Variants in AOPEP observed in about 807,000 individuals in gnomAD.
The protein encoded by AOPEP is aminopeptidase O.
Under a neutral mutation model 98.1 loss-of-function variants are expected in AOPEP, and 77 were observed. The ratio of observed to expected loss-of-function variants is 0.78; its 90% CI spans 0.65 to 0.95. The LOEUF is 0.95. Ranked by LOEUF, AOPEP falls within the 40% of genes least tolerant of loss-of-function variation. The probability of loss-of-function intolerance (pLI) is 0.00; values close to 1 mark genes in which losing one functional copy is unlikely to be tolerated. For synonymous variants in AOPEP, 346 were observed against 365.3 expected, an observed-to-expected ratio of 0.95 and a Z score of 0.60; for missense variants, 1,024 against 1,024.7, an observed-to-expected ratio of 1.00 and a Z score of 0.01.
intron 1 of AOPEP, among the ~76,000 whole-genome samples, chr9:94,741,380 C>T (rs967642657): frequency 1.4e-4 from 22 of 152,040 alleles, no homozygotes; most frequent in African/African-American, 5.3e-4. Context: ...TCACGCCATT[C>T]TTCTGCTTCA....
At chr9:94,977,285 CATTTGGTGGA>C (rs1264508893) in intron 10 of AOPEP, among the ~76,000 whole-genome samples, 33 of 152,160 alleles carry the variant, frequency 2.2e-4, no homozygotes, top group African/African-American at 6.7e-4. Flanking sequence ...GAGGATAGTT[CATTTGGTGGA>C]GGGGTCAGGT....
At chr9:94,933,329 G>T in intron 7 of AOPEP, 1 of 985,490 alleles carries the variant, frequency 1.0e-6, no homozygotes, top group African/African-American at 1.7e-5. Flanking sequence ...CCCAGGGATG[G>T]AAGAGCTAAG....
At chr9:94,745,594 C>T (rs921023059) in intron 1 of AOPEP, among the ~76,000 whole-genome samples, 2 of 152,108 alleles carry the variant, frequency 1.3e-5, no homozygotes, top group African/African-American at 4.8e-5. Context: ...ATTTTTAGCT[C>T]CCACAGATGA....
At chr9:94,813,829 T>C (rs1046167621) in intron 5 of AOPEP, among the ~76,000 whole-genome samples, 3 of 152,216 alleles carry the variant, frequency 2.0e-5, no homozygotes, top group Non-Finnish European at 4.4e-5. Context: ...ACATTTCATA[T>C]TCTGCTCCCC....
intron 5 of AOPEP, among the ~76,000 whole-genome samples, chr9:94,923,413 G>C (rs2053882551): frequency 6.6e-6 from 1 of 152,096 alleles, no homozygotes; most frequent in Non-Finnish European, 1.5e-5. Context: ...GGCCTTACAC[G>C]GTCTCGGCCT....
At chr9:94,731,615 A>G (rs1830557666) in intron 1 of AOPEP, among the ~76,000 whole-genome samples, 1 of 151,884 alleles carries the variant, frequency 6.6e-6, no homozygotes, top group Non-Finnish European at 1.5e-5. Flanking sequence ...TAGGCCTCCA[A>G]AAAGCCCTGG....
chr9:95,090,093 A>C (rs1007421961), downstream of AOPEP, among the ~76,000 whole-genome samples: 3 of 152,202 alleles, frequency 2.0e-5, no homozygotes, highest in Non-Finnish European at 4.4e-5. Context: ...GCTAAACGGC[A>C]CTGAAGGGCC....
At chr9:95,016,301 G>A (rs2133062555) in intron 13 of AOPEP, among the ~76,000 whole-genome samples, 1 of 138,452 alleles carries the variant, frequency 7.2e-6, no homozygotes, top group South Asian at 2.3e-4. Flanking sequence ...GGAGTGCAGT[G>A]GCGCGATCTT....
the AOPEP span, chr9:95,110,563 T>G: frequency 7.7e-6 from 8 of 1,033,076 alleles, no homozygotes; most frequent in Non-Finnish European, 9.3e-6. Flanking sequence ...ATCACCAAAT[T>G]TCAACTTTTT....
rs1247861938 is a variant in AOPEP, at chr9:94,726,756, C to T, written c.-136+5C>T. 6.6e-6 allele frequency: 1 copy of T among 152,304 alleles called. No individual in the cohort carries two copies. Among genetic ancestry groups the T allele is most frequent in the African/African-American group, 2.4e-5 (1 of 41,476 alleles). The allele number at this position is 152,304 out of a possible 1,614,324, so 9.4% of individuals were successfully genotyped here. A position where few individuals can be genotyped will look rare whatever the true frequency, so the allele number is the denominator to read the frequency against. ...CGTGGGACGCGGCTGAGACAGGTAA[C>T]CTGTTCGCTCCCTGTTGGGTCCCTG... On this transcript the variant is annotated splice_donor_5th_base_variant and intron_variant, in intron 1 of 16. Coordinates refer to ENST00000375315, the MANE Select transcript of AOPEP (RefSeq NM_001193329.3).
chr9:94,872,208 A>G (rs2046422297), intron 5 of AOPEP, among the ~76,000 whole-genome samples: 1 of 152,098 alleles, frequency 6.6e-6, no homozygotes, highest in Admixed American at 6.5e-5. Flanking sequence ...TTTAAAATGG[A>G]TCGATGGCAG....
intron 14 of AOPEP, among the ~76,000 whole-genome samples, chr9:95,061,725 C>T (rs1422436718): frequency 6.6e-6 from 1 of 152,002 alleles, no homozygotes; most frequent in Non-Finnish European, 1.5e-5. Context: ...TGAGAAAAGC[C>T]CGTTCCTTAT....
intron 5 of AOPEP, among the ~76,000 whole-genome samples, chr9:94,833,314 G>A (rs1019011348): frequency 3.8e-5 from 5 of 130,970 alleles, no homozygotes; most frequent in African/African-American, 1.4e-4. Flanking sequence ...CTCAGCTCAC[G>A]GCAACCTTTG....
chr9:94,951,852 A>G (rs1011606124), intron 7 of AOPEP, among the ~76,000 whole-genome samples: 1 of 152,134 alleles, frequency 6.6e-6, no homozygotes, highest in Non-Finnish European at 1.5e-5. Context: ...GCTTGTGGGG[A>G]AGAGGTGCGG....
Position 95,082,488 on chromosome 9 carries a change from T to C in AOPEP, c.2320-87T>C, listed in dbSNP as rs1396518687. On this transcript the variant is annotated intron_variant, in intron 15 of 16. Transcript: ENST00000375315. ...CAATTTCTAGACCAGCAAGTGTGTG[T>C]GGAACAAGCACAGACTGAGCTCATG... 3.1e-5 allele frequency: 45 copies of C among 1,431,422 alleles called. No individual in the cohort carries two copies. The Middle Eastern group carries it at 9.6e-4, about 31-fold the overall frequency. 88.7% of individuals were successfully genotyped at this position (1,431,422 alleles called of 1,614,324 possible). A position where few individuals can be genotyped will look rare whatever the true frequency, so the allele number is the denominator to read the frequency against.
intron 2 of AOPEP, among the ~76,000 whole-genome samples, chr9:94,765,071 TC>T (rs976778899): frequency 6.6e-6 from 1 of 151,986 alleles, no homozygotes; most frequent in Admixed American, 6.5e-5. Context: ...AAACGATCCT[TC>T]CACCTCAGCC....
chr9:94,819,982 G>A (rs1355393505), intron 5 of AOPEP, among the ~76,000 whole-genome samples: 2 of 111,602 alleles, frequency 1.8e-5, no homozygotes, highest in East Asian at 2.7e-4. Flanking sequence ...GTCTCGCTTT[G>A]TCACCCAGGC....
At chr9:94,773,368 T>C (rs140789583) in intron 3 of AOPEP, 200 bp downstream of exon 3, 2 of 454,330 alleles carry the variant, frequency 4.4e-6, no homozygotes, top group Non-Finnish European at 7.9e-6. Context: ...GATTTGGGGC[T>C]CTTCATACTA....
the AOPEP span, among the ~76,000 whole-genome samples, chr9:95,137,903 G>A: frequency 6.6e-6 from 1 of 152,270 alleles, no homozygotes; most frequent in African/African-American, 2.4e-5. Context: ...ATGGCAGAGA[G>A]AGGAGAGGAG....
Sources: allele counts gnomAD v4.1 joint callset (sites outside exome capture counted in the v4.1 genomes callset), GRCh38; gene constraint gnomAD v4.1.1; transcripts MANE v1.5; gene names NCBI Gene and HGNC (gene_info 2026-07-23, HGNC 2026-07-21).